Variants in MARCHF6 observed in about 807,000 individuals in gnomAD.
MARCHF6 encodes membrane associated ring-CH-type finger 6.
MARCHF6 carries 31 observed loss-of-function variants against 133.7 expected under a neutral mutation model. That is an observed-to-expected ratio of 0.23 (90% confidence interval 0.17 to 0.31). The LOEUF is 0.31. Among genes scored for constraint, MARCHF6 ranks in the 10% least tolerant of loss-of-function variants. MARCHF6 has a pLI of 1.00. For synonymous variants in MARCHF6, 395 were observed against 402.5 expected, an observed-to-expected ratio of 0.98 and a Z score of 0.22; for missense variants, 723 against 1,121.6, an observed-to-expected ratio of 0.64 and a Z score of 5.08.
intron 22 of MARCHF6, 105 bp from the exon 23 acceptor site, chr5:10,423,630 A>G (rs1739938340): frequency 1.6e-6 from 1 of 637,626 alleles, no homozygotes; most frequent in Admixed American, 3.5e-5. Context: ...ATCCTATAGA[A>G]CTTCTATTTT....
intron 1 of MARCHF6, among the ~76,000 whole-genome samples, chr5:10,369,082 G>T (rs939884556): frequency 2.6e-5 from 4 of 152,224 alleles, no homozygotes; most frequent in African/African-American, 9.6e-5. Context: ...GCCCATTGAG[G>T]CAGGGAAAAT....
rs1232936733 is a variant in MARCHF6 at position 10,440,019 on chromosome 5, A to G, written c.*6335A>G. 3 of 152,150 alleles carry G rather than the reference A, an allele frequency of 2.0e-5. No homozygotes were observed. Among genetic ancestry groups the G allele is most frequent in the African/African-American group, 7.2e-5 (3 of 41,430 alleles). 9.4% of individuals were successfully genotyped at this position (152,150 alleles called of 1,614,324 possible). A position where few individuals can be genotyped will look rare whatever the true frequency, so the allele number is the denominator to read the frequency against. On this transcript the variant is annotated 3_prime_UTR_variant, in exon 26 of 26. Transcript: ENST00000274140. ...GCAGCTACTGGGGCATTCCTGTCTC[A>G]TCTCCCTGCTGTATTTTGTACTCCC...
In MARCHF6 at chr5:10,402,220, A is replaced by G. The variant is rs1021690245; in HGVS notation, c.1053+81A>G. 62 of 1,124,084 alleles carry G rather than the reference A, an allele frequency of 5.5e-5. No individual in the cohort carries two copies. In the African/African-American group the frequency reaches 7.3e-4, roughly 13 times the overall value. 69.6% of individuals were successfully genotyped at this position (1,124,084 alleles called of 1,614,324 possible). ...TCTTCATTAATGGCGAAACTTGTCT[A>G]TCCTTGTCCTCTTAGTAAAAGTTGT... On this transcript the variant is annotated intron_variant, in intron 12 of 25. Coordinates refer to ENST00000274140, the MANE Select transcript of MARCHF6 (RefSeq NM_005885.4).
chr5:10,400,951 A>G lies in MARCHF6; in HGVS notation c.972+109A>G. The G allele has an allele frequency of 1.1e-5, 10 of 877,610 alleles. No individual in the cohort carries two copies. In the South Asian group the frequency reaches 1.3e-4, roughly 12 times the overall value. The allele number at this position is 877,610 out of a possible 1,614,324, so 54.4% of individuals were successfully genotyped here. On this transcript the variant is annotated intron_variant, in intron 11 of 25. Transcript: ENST00000274140. ...ATCATTTCTTCATTGGCATTATGCA[A>G]GGGAATAGTTAGGCAATACCGTCTC...
chr5:10,406,239 G>A (rs1738881464), intron 16 of MARCHF6, among the ~76,000 whole-genome samples: 1 of 152,202 alleles, frequency 6.6e-6, no homozygotes, highest in African/African-American at 2.4e-5. Flanking sequence ...CCACTGGTAT[G>A]ATTGATTGCT....
intron 15 of MARCHF6, 110 bp from the exon 16 acceptor site, chr5:10,405,448 T>C (rs989059582): frequency 1.1e-6 from 1 of 925,304 alleles, no homozygotes; most frequent in African/African-American, 1.7e-5. Flanking sequence ...TGGGGCCCAC[T>C]TTAGATGCCA....
intron 1 of MARCHF6, among the ~76,000 whole-genome samples, chr5:10,376,010 T>TCAGC (rs1178810734): frequency 6.6e-6 from 1 of 152,256 alleles, no homozygotes; most frequent in African/African-American, 2.4e-5. Flanking sequence ...AATGTACCAA[T>TCAGC]CAGCACCCTG....
intron 17 of MARCHF6, among the ~76,000 whole-genome samples, chr5:10,409,263 G>GA (rs1328352936): frequency 5.9e-5 from 9 of 152,204 alleles, no homozygotes; most frequent in Admixed American, 3.9e-4. Context: ...TAAAGTGGCA[G>GA]AAAAAATGCC....
chr5:10,391,960 CTT>C (rs533523322), intron 7 of MARCHF6, among the ~76,000 whole-genome samples: 13 of 140,272 alleles, frequency 9.3e-5, no homozygotes, highest in Non-Finnish European at 1.1e-4. Flanking sequence ...TTACACAGGC[CTT>C]TTTTTTTTTT....
At position 10,411,265 on chromosome 5, in the gene MARCHF6, T is replaced by C. The variant is rs992447803; in HGVS notation, c.1692-68T>C. On this transcript the variant is annotated intron_variant, in intron 18 of 25. Transcript: ENST00000274140. ...CCCTTAGTAGTAAATATGAAGAAAA[T>C]GAGTGTCATGTCTGCCATTTTATTG... The C allele has an allele frequency of 4.9e-6, 6 of 1,214,814 alleles. No individual in the cohort carries two copies. The Admixed American group carries it at 1.0e-4, about 21-fold the overall frequency. The allele number at this position is 1,214,814 out of a possible 1,614,324, so 75.3% of individuals were successfully genotyped here.
chr5:10,410,108 C>A, intron 17 of MARCHF6, 31 bp from the exon 18 acceptor site: 13 of 1,609,870 alleles, frequency 8.1e-6, no homozygotes, highest in Non-Finnish European at 1.0e-5. Context: ...ATGCAAAATA[C>A]AATTCACATT....
At chr5:10,370,080 T>G (rs1201825363) in intron 1 of MARCHF6, among the ~76,000 whole-genome samples, 1 of 148,586 alleles carries the variant, frequency 6.7e-6, no homozygotes, top group Non-Finnish European at 1.5e-5. Flanking sequence ...GGTATGGGAG[T>G]ATCTTACTGT....
At chr5:10,426,006 T>C (rs1218292727) in intron 23 of MARCHF6, among the ~76,000 whole-genome samples, 1 of 152,232 alleles carries the variant, frequency 6.6e-6, no homozygotes, top group Non-Finnish European at 1.5e-5. Context: ...ATGAATGCAA[T>C]ATTGTATAAT....
chr5:10,407,640 TC>T (rs1269242523), intron 17 of MARCHF6, among the ~76,000 whole-genome samples: 1 of 152,104 alleles, frequency 6.6e-6, no homozygotes, highest in Non-Finnish European at 1.5e-5. Context: ...AGATGGAACA[TC>T]TTTTTTGCTT....
At chr5:10,362,574 A>T (rs1561095070) in intron 1 of MARCHF6, among the ~76,000 whole-genome samples, 1 of 152,274 alleles carries the variant, frequency 6.6e-6, no homozygotes, top group Non-Finnish European at 1.5e-5. Context: ...TAAACTCAAT[A>T]TATGTTAATA....
At chr5:10,387,889 T>A (rs909574890) in intron 5 of MARCHF6, among the ~76,000 whole-genome samples, 3 of 152,158 alleles carry the variant, frequency 2.0e-5, no homozygotes, top group African/African-American at 7.2e-5. Flanking sequence ...CTCAAACTCC[T>A]AACCTCAAGT....
intron 1 of MARCHF6, among the ~76,000 whole-genome samples, chr5:10,363,297 A>T (rs933343283): frequency 2.6e-5 from 4 of 152,230 alleles, no homozygotes; most frequent in African/African-American, 7.2e-5. Context: ...TATATAAAAA[A>T]TTCTCAGAAC....
chr5:10,391,580 T>C lies in MARCHF6; in HGVS notation c.615T>C (p.Ala205=). Residue 205 remains alanine, a synonymous_variant, in exon 7 of 26, where the codon GCT becomes GCC. Coordinates refer to ENST00000274140, the MANE Select transcript of MARCHF6 (RefSeq NM_005885.4). The part of the protein sequence containing the change: ...AGGNGAENVA[A]DQPANPPAEN... ...GAAATGGTGCAGAAAATGTTGCTGCTGATCAGCCTGCTAACCCACCAGCTG... is the reference window on the plus strand; with the variant it reads ...GAAATGGTGCAGAAAATGTTGCTGCCGATCAGCCTGCTAACCCACCAGCTG... 1.2e-6 allele frequency: 2 copies of C among 1,612,642 alleles called. No homozygotes were observed. The highest frequency in any genetic ancestry group is 8.5e-7 in the Non-Finnish European group (1 of 1,179,452).
rs542913824 is a variant in MARCHF6 at position 10,430,157 on chromosome 5, G to A, written c.2642+129G>A. 2.1e-5 allele frequency: 22 copies of A among 1,072,924 alleles called. No individual in the cohort carries two copies. The East Asian group carries it at 5.7e-4, about 28-fold the overall frequency. 66.5% of individuals were successfully genotyped at this position (1,072,924 alleles called of 1,614,324 possible). On this transcript the variant is annotated intron_variant, in intron 25 of 25. Coordinates refer to ENST00000274140, the MANE Select transcript of MARCHF6 (RefSeq NM_005885.4). ...TATACTTGGAGGTGGGATTAGCAAG[G>A]TTTGCTGACAGATTGTGACATGTGA... is the stretch of plus-strand genomic sequence containing the variant.
Sources: gnomAD v4.1 joint callset for allele counts (sites outside exome capture counted in the v4.1 genomes callset) on GRCh38, gnomAD v4.1.1 for gene constraint, MANE v1.5 for transcripts, NCBI Gene and HGNC (gene_info 2026-07-23, HGNC 2026-07-21) for gene names.